The following STARD13 variants were observed in gnomAD, a reference collection of about 807,000 sequenced individuals.
STARD13 encodes stAR-related lipid transfer protein 13.
STARD13 carries 62 observed loss-of-function variants against 106.4 expected under a neutral mutation model. The observed-to-expected ratio is 0.58, with a 90% CI of 0.48 to 0.72. STARD13 has a LOEUF of 0.72. Among genes scored for constraint, STARD13 ranks in the 30% least tolerant of loss-of-function variants. The pLI, the probability that STARD13 is intolerant of heterozygous loss-of-function variation, is 0.00. For missense variants in STARD13, 1,387 were observed against 1,424.0 expected (o/e 0.97, Z 0.42); for synonymous variants, 565 against 553.0 (o/e 1.02, Z -0.31).
chr13:33,664,874 C>G, the STARD13 span, among the ~76,000 whole-genome samples: 1 of 152,224 alleles, frequency 6.6e-6, no homozygotes, highest in African/African-American at 2.4e-5. Flanking sequence ...GATCCGCCCG[C>G]CTCGGCCTCC....
At chr13:33,150,781 A>G (rs1257148895) in intron 3 of STARD13, among the ~76,000 whole-genome samples, 2 of 152,252 alleles carry the variant, frequency 1.3e-5, no homozygotes, top group Non-Finnish European at 2.9e-5. Flanking sequence ...TGTCTTCAGA[A>G]TCCTTGAGAA....
chr13:33,511,286 C>T, the STARD13 span: 1 of 151,270 alleles, frequency 6.6e-6, no homozygotes, highest in Non-Finnish European at 1.5e-5. Flanking sequence ...GTACTCCAGC[C>T]TGGACAACAC....
chr13:33,549,406 A>G, the STARD13 span, among the ~76,000 whole-genome samples: 12 of 152,214 alleles, frequency 7.9e-5, no homozygotes, highest in Non-Finnish European at 1.8e-4. Flanking sequence ...ACTTGTTAGA[A>G]ATACACATTC....
chr13:33,298,179 G>A (rs987313875), intron 1 of STARD13, among the ~76,000 whole-genome samples: 1 of 143,124 alleles, frequency 7.0e-6, no homozygotes, highest in Admixed American at 7.3e-5. Flanking sequence ...ACCCAGGCTG[G>A]AGTGCAGTGG....
chr13:33,297,759 A>G (rs111802335), intron 1 of STARD13, among the ~76,000 whole-genome samples: 3,010 of 152,274 alleles, frequency 0.02, 98 homozygotes, highest in African/African-American at 0.069. Context: ...AAGCCTAACC[A>G]ATGATATATG....
At chr13:33,206,080 T>A in intron 1 of STARD13, 1 of 932,186 alleles carries the variant, frequency 1.1e-6, no homozygotes. Context: ...CCTCCAGCTC[T>A]AAGAGAAAAA....
the STARD13 span, among the ~76,000 whole-genome samples, chr13:33,597,547 T>C: frequency 6.6e-6 from 1 of 152,022 alleles, no homozygotes. Flanking sequence ...TGGTGAAATA[T>C]AGATAAATAA....
the STARD13 span, among the ~76,000 whole-genome samples, chr13:33,622,845 G>A: frequency 1.4e-5 from 2 of 147,396 alleles, no homozygotes. Flanking sequence ...CCTTGAACCA[G>A]GGAGTCAGAG....
chr13:33,453,270 C>T, the STARD13 span, among the ~76,000 whole-genome samples: 8 of 152,058 alleles, frequency 5.3e-5, no homozygotes, highest in African/African-American at 1.9e-4. Flanking sequence ...GCTTCATAAG[C>T]CTCATGCCTC....
the STARD13 span, among the ~76,000 whole-genome samples, chr13:33,404,124 A>C: frequency 6.6e-6 from 1 of 152,206 alleles, no homozygotes; most frequent in African/African-American, 2.4e-5. Context: ...ATAGATAATA[A>C]TGAGATAAGT....
chr13:33,259,915 G>T (rs774801780), intron 1 of STARD13, among the ~76,000 whole-genome samples: 6 of 147,322 alleles, frequency 4.1e-5, no homozygotes, highest in Non-Finnish European at 5.9e-5. Context: ...GATAATGCTC[G>T]AACTCAGGAG....
At chr13:33,573,087 C>T in the STARD13 span, among the ~76,000 whole-genome samples, 1 of 152,096 alleles carries the variant, frequency 6.6e-6, no homozygotes, top group Non-Finnish European at 1.5e-5. Context: ...CTTCAGGGCT[C>T]TACATGAAAG....
At chr13:33,109,771 G>A (rs1874258852) in intron 12 of STARD13, 102 bp downstream of exon 12, 1 of 1,088,098 alleles carries the variant, frequency 9.2e-7, no homozygotes, top group Non-Finnish European at 1.4e-6. Context: ...TGTTCCCCGT[G>A]GAGGCTGGAC....
chr13:33,459,130 A>C, the STARD13 span, among the ~76,000 whole-genome samples: 2 of 152,186 alleles, frequency 1.3e-5, no homozygotes, highest in South Asian at 4.1e-4. Context: ...GCATAGATAT[A>C]GTGTACAATT....
the STARD13 span, among the ~76,000 whole-genome samples, chr13:33,643,165 A>G: frequency 1.9e-4 from 23 of 121,552 alleles, no homozygotes; most frequent in African/African-American, 9.4e-4. Flanking sequence ...ACATGCACAC[A>G]CACACACACA....
intron 1 of STARD13, among the ~76,000 whole-genome samples, chr13:33,291,814 T>A (rs1892305762): frequency 6.6e-6 from 1 of 152,170 alleles, no homozygotes; most frequent in Non-Finnish European, 1.5e-5. Flanking sequence ...ATATATTAGA[T>A]CATATATATC....
At chr13:33,281,728 A>T (rs1891795256) in intron 1 of STARD13, 1 of 152,222 alleles carries the variant, frequency 6.6e-6, no homozygotes, top group South Asian at 2.1e-4. Context: ...AGTCACACAA[A>T]GTGAATCACT....
downstream of STARD13, among the ~76,000 whole-genome samples, chr13:33,347,282 C>T (rs889000870): frequency 1.3e-5 from 2 of 152,194 alleles, no homozygotes; most frequent in Non-Finnish European, 2.9e-5. Context: ...ATTACCTAGG[C>T]TGGAGTGCAG....
At chr13:33,661,148 G>A in the STARD13 span, 1 of 152,160 alleles carries the variant, frequency 6.6e-6, no homozygotes, top group Non-Finnish European at 1.5e-5. Flanking sequence ...TCAAAGAATA[G>A]GATCTCATAG....
Sources: allele counts gnomAD v4.1 joint callset (sites outside exome capture counted in the v4.1 genomes callset), GRCh38; gene constraint gnomAD v4.1.1; transcripts MANE v1.5; gene names NCBI Gene and HGNC (gene_info 2026-07-23, HGNC 2026-07-21).